The following WDR19 variants were observed in gnomAD, a reference collection of about 807,000 sequenced individuals.
WDR19 encodes the protein WD repeat domain 19.
Under a neutral mutation model 180.0 loss-of-function variants are expected in WDR19, and 121 were observed. The observed-to-expected ratio is 0.67, with a 90% CI of 0.58 to 0.78. The LOEUF (loss-of-function observed/expected upper bound fraction) is 0.78. Among genes scored for constraint, WDR19 ranks in the 30% least tolerant of loss-of-function variants. The pLI, the probability that WDR19 is intolerant of heterozygous loss-of-function variation, is 0.00. For synonymous variants in WDR19, 497 were observed against 540.7 expected (o/e 0.92, Z 1.12); for missense variants, 1,450 against 1,640.7 (o/e 0.88, Z 2.01).
At chr4:39,230,091 C>T (rs747380235) in intron 17 of WDR19, among the ~76,000 whole-genome samples, 1 of 152,132 alleles carries the variant, frequency 6.6e-6, no homozygotes, top group Non-Finnish European at 1.5e-5. Flanking sequence ...CTCTTATTTC[C>T]CTGCTCAGGA....
At chr4:39,241,642 C>T (rs1731960214) in intron 21 of WDR19, among the ~76,000 whole-genome samples, 1 of 151,284 alleles carries the variant, frequency 6.6e-6, no homozygotes, top group South Asian at 2.1e-4. Context: ...AATAAAAATA[C>T]AAAATTAGCC....
At chr4:39,242,207 GGTACATGC>G (rs1732030839) in intron 21 of WDR19, among the ~76,000 whole-genome samples, 1 of 151,336 alleles carries the variant, frequency 6.6e-6, no homozygotes, top group East Asian at 1.9e-4. Context: ...TGGGACTACT[GGTACATGC>G]TACCACACCC....
Position 39,255,834 on chromosome 4 carries a change from A to C in WDR19, c.3002-14A>C, listed in dbSNP as rs1426181141. 6.7e-7 allele frequency: 1 copy of C among 1,482,220 alleles called. No homozygotes were observed. The highest frequency in any genetic ancestry group is 9.1e-7 in the Non-Finnish European group (1 of 1,101,738). 91.8% of individuals were successfully genotyped at this position (1,482,220 alleles called of 1,614,324 possible). A position where few individuals can be genotyped will look rare whatever the true frequency, so the allele number is the denominator to read the frequency against. On this transcript the variant is annotated splice_polypyrimidine_tract_variant and intron_variant, in intron 26 of 36. Transcript: ENST00000399820. ...TTTTGCTCAGATATTTTACTCAGTA[A>C]ACTTCTGTTACAGGTTCTGAAGACA...
rs1264582286 is a variant in WDR19 at position 39,231,862 on chromosome 4, G to C, written c.2048G>C (p.Arg683Thr). Residue 683 changes from arginine to threonine, a missense_variant, in exon 18 of 37, where the codon AGA (arginine) becomes ACA (threonine). By Grantham distance (71) the Arg-to-Thr change is moderately conservative. Transcript: ENST00000399820. ...GAGGCTGCCTGGAATGAGTTGGCCA[G>C]AGCTTGTCTACATCACATGGAAGTG... ...NDEAAWNELA[R>T]ACLHHMEVEF... 1.2e-6 allele frequency: 2 copies of C among 1,612,174 alleles called. No individual in the cohort carries two copies. Among genetic ancestry groups the C allele is most frequent in the Admixed American group, 3.3e-5 (2 of 59,970 alleles).
At chr4:39,202,662 C>G (rs1411481594) in intron 6 of WDR19, among the ~76,000 whole-genome samples, 1 of 150,798 alleles carries the variant, frequency 6.6e-6, no homozygotes, top group East Asian at 1.9e-4. Context: ...TCAGATACAC[C>G]TCCTATAATA....
chr4:39,198,004 A>AT (rs1049162498), intron 5 of WDR19, among the ~76,000 whole-genome samples: 2 of 150,974 alleles, frequency 1.3e-5, no homozygotes, highest in Non-Finnish European at 3.0e-5. Flanking sequence ...GACTTGGCTA[A>AT]TTTTTTTTCT....
intron 9 of WDR19, 41 bp from the exon 10 acceptor site, chr4:39,214,560 A>C: frequency 8.5e-7 from 1 of 1,176,360 alleles, no homozygotes; most frequent in Non-Finnish European, 1.2e-6. Context: ...TTTTATATAA[A>C]GATCATATAT....
chr4:39,198,277 G>C (rs114680827), intron 5 of WDR19, among the ~76,000 whole-genome samples: 1 of 152,126 alleles, frequency 6.6e-6, no homozygotes, highest in Non-Finnish European at 1.5e-5. Context: ...AGACATTAAC[G>C]GCCGGGAGTG....
At chr4:39,193,072 T>G (rs575902184) in intron 4 of WDR19, among the ~76,000 whole-genome samples, 38 of 152,336 alleles carry the variant, frequency 2.5e-4, no homozygotes, top group South Asian at 4.1e-4. Flanking sequence ...AAAATGCGTA[T>G]TTATCTTTTG....
At position 39,231,874 on chromosome 4, in the gene WDR19, A is replaced by G. The variant is rs1463759165; in HGVS notation, c.2060A>G (p.His687Arg). The G allele has an allele frequency of 1.2e-6, 2 of 1,613,362 alleles. No homozygotes were observed. Among genetic ancestry groups the G allele is most frequent in the Non-Finnish European group, 1.7e-6 (2 of 1,179,320 alleles). Residue 687 changes from histidine to arginine, a missense_variant, in exon 18 of 37, where the codon CAT (histidine) becomes CGT (arginine). Transcript: ENST00000399820. ...AATGAGTTGGCCAGAGCTTGTCTACATCACATGGAAGTGGAGTTTGCAATC... is the reference window on the plus strand; with the variant it reads ...AATGAGTTGGCCAGAGCTTGTCTACGTCACATGGAAGTGGAGTTTGCAATC... ...AWNELARACL[H>R]HMEVEFAIRV...
At chr4:39,192,497 G>T (rs1039053522) in intron 4 of WDR19, among the ~76,000 whole-genome samples, 1 of 152,036 alleles carries the variant, frequency 6.6e-6, no homozygotes, top group African/African-American at 2.4e-5. Context: ...TGGAACGGAG[G>T]CTCCCTCTTT....
At chr4:39,284,684 A>T (rs1272791362) in intron 36 of WDR19, among the ~76,000 whole-genome samples, 1 of 151,192 alleles carries the variant, frequency 6.6e-6, no homozygotes, top group East Asian at 1.9e-4. Flanking sequence ...TTTTGTCCCA[A>T]GTTTATAACT....
chr4:39,271,085 T>G (rs995357849), intron 31 of WDR19, among the ~76,000 whole-genome samples: 8 of 152,070 alleles, frequency 5.3e-5, no homozygotes, highest in Admixed American at 4.6e-4. Context: ...TTAATAGAGA[T>G]GGGGTTTCAC....
chr4:39,205,722 A>C lies in WDR19; in HGVS notation c.876A>C (p.Thr292=), dbSNP rs771459480. The change falls in exon 9 of 37, where the codon ACA becomes ACC. Residue 292 remains threonine (T), a synonymous_variant. Transcript: ENST00000399820. ...AVSQTLNKVA[T]CGDNCIKIQD... ...CACAGACTCTTAACAAAGTTGCTAC[A>C]TGTGGAGATAACTGGTAAGTTATTT... 1 of 1,602,782 alleles carries C rather than the reference A, an allele frequency of 6.2e-7. No individual in the cohort carries two copies.
intron 29 of WDR19, 112 bp from the exon 30 acceptor site, chr4:39,267,883 A>G: frequency 1.0e-6 from 1 of 960,568 alleles, no homozygotes; most frequent in South Asian, 1.4e-5. Context: ...TTTTAAAGCA[A>G]TATCAATTCT....
intron 28 of WDR19, among the ~76,000 whole-genome samples, chr4:39,265,228 C>G (rs1429988229): frequency 6.6e-6 from 1 of 151,732 alleles, no homozygotes; most frequent in South Asian, 2.1e-4. Context: ...CTGGAGATGA[C>G]TTTTAAGTAA....
chr4:39,231,687 T>C (rs1255305711), intron 17 of WDR19, 110 bp from the exon 18 acceptor site: 5 of 913,190 alleles, frequency 5.5e-6, no homozygotes, highest in Non-Finnish European at 7.6e-6. Flanking sequence ...GGTTAAGAAA[T>C]GTTTTAGACA....
intron 36 of WDR19, among the ~76,000 whole-genome samples, chr4:39,279,334 G>A (rs952547209): frequency 1.3e-5 from 2 of 152,192 alleles, no homozygotes; most frequent in African/African-American, 4.8e-5. Context: ...TCAGGAAGCG[G>A]CAGCTCCAGC....
intron 24 of WDR19, among the ~76,000 whole-genome samples, chr4:39,249,201 C>T (rs1227482602): frequency 9.2e-5 from 14 of 151,398 alleles, no homozygotes; most frequent in Non-Finnish European, 1.8e-4. Context: ...CACTCAAAAC[C>T]GCTCAACTAC....
Sources: allele counts gnomAD v4.1 joint callset (sites outside exome capture counted in the v4.1 genomes callset), GRCh38; gene constraint gnomAD v4.1.1; transcripts MANE v1.5; gene names NCBI Gene and HGNC (gene_info 2026-07-23, HGNC 2026-07-21).